CD96: variants seen among roughly 807,000 people sequenced by gnomAD.
The protein encoded by CD96 is CD96 molecule.
CD96 carries 70 observed loss-of-function variants against 71.3 expected under a neutral mutation model. That is an observed-to-expected ratio of 0.98 (90% CI 0.81 to 1.20). The LOEUF (loss-of-function observed/expected upper bound fraction) is 1.20. CD96 is among the 50% of genes most tolerant of loss of function. The pLI, the probability that CD96 is intolerant of heterozygous loss-of-function variation, is 0.00. For synonymous variants in CD96, 248 were observed against 233.0 expected (o/e 1.06, Z -0.59); for missense variants, 742 against 677.5 (o/e 1.10, Z -1.06).
chr3:111,662,074 T>G (rs1391934626), intron 14 of CD96, among the ~76,000 whole-genome samples: 1 of 152,258 alleles, frequency 6.6e-6, no homozygotes, highest in Admixed American at 6.5e-5. Context: ...TCTTACCTTC[T>G]ACGCACCTGC....
At chr3:111,554,858 T>C (rs1385467489) in intron 2 of CD96, among the ~76,000 whole-genome samples, 1 of 151,988 alleles carries the variant, frequency 6.6e-6, no homozygotes, top group Non-Finnish European at 1.5e-5. Flanking sequence ...GCCCTGAGCT[T>C]GTCTTCCTGC....
intron 8 of CD96, among the ~76,000 whole-genome samples, chr3:111,621,314 T>C (rs1938508801): frequency 6.6e-6 from 1 of 152,218 alleles, no homozygotes; most frequent in Non-Finnish European, 1.5e-5. Flanking sequence ...ACCAAGTCTC[T>C]CAGCAAATAC....
chr3:111,606,643 C>T, intron 7 of CD96, 57 bp from the exon 8 acceptor site: 1 of 896,890 alleles, frequency 1.1e-6, no homozygotes, highest in South Asian at 1.3e-5. Context: ...TAAGTCAATA[C>T]TTTATCTTTT....
intron 2 of CD96, among the ~76,000 whole-genome samples, chr3:111,555,374 C>T (rs924042358): frequency 8.5e-5 from 13 of 152,246 alleles, no homozygotes; most frequent in African/African-American, 3.1e-4. Context: ...CATTTCTTTT[C>T]AGCCTGAAGG....
At chr3:111,647,903 G>T (rs2107788549) in intron 13 of CD96, among the ~76,000 whole-genome samples, 1 of 152,248 alleles carries the variant, frequency 6.6e-6, no homozygotes, top group South Asian at 2.1e-4. Context: ...ACATTCGTCA[G>T]ATAGAGCAAG....
In CD96 at chr3:111,581,036, C is replaced by A. The variant is rs554104199; in HGVS notation, c.751+1802C>A. 1.2e-4 allele frequency among the ~76,000 whole-genome samples: 19 copies of A among 152,326 alleles called. No homozygotes were observed. The East Asian group carries it at 2.9e-3, about 23-fold the overall frequency. ...AACATTTATGCTGTGTCCTGTATCTCTTTGCTGCATTAAAACACCTCTATC... is the reference window on the plus strand; with the variant it reads ...AACATTTATGCTGTGTCCTGTATCTATTTGCTGCATTAAAACACCTCTATC... On this transcript the variant is annotated intron_variant, in intron 4 of 13. Coordinates refer to ENST00000352690, the MANE Select transcript of CD96 (RefSeq NM_005816.5).
chr3:111,574,323 A>G (rs1936125438), intron 3 of CD96, among the ~76,000 whole-genome samples: 1 of 152,232 alleles, frequency 6.6e-6, no homozygotes, highest in Admixed American at 6.5e-5. Context: ...ATGATGCTCA[A>G]AAGAAATGTT....
rs1940062658 is a variant in CD96, at chr3:111,651,251, C to T, written c.*1445C>T. 6.6e-6 allele frequency: 1 copy of T among 152,164 alleles called. No individual in the cohort carries two copies. Among genetic ancestry groups the T allele is most frequent in the African/African-American group, 2.4e-5 (1 of 41,400 alleles). 9.4% of individuals were successfully genotyped at this position (152,164 alleles called of 1,614,324 possible). A position where few individuals can be genotyped will look rare whatever the true frequency, so the allele number is the denominator to read the frequency against. The stretch of plus-strand genomic sequence containing the variant: ...GTGGTGGCCAGCCTCCAAGATGAGC[C>T]CCAGTGTTCTTGCCTCCTACTATTC... On this transcript the variant is annotated 3_prime_UTR_variant, in exon 14 of 14. Coordinates refer to ENST00000352690, the MANE Select transcript of CD96 (RefSeq NM_005816.5).
At chr3:111,577,255 A>C (rs1936259857) in intron 3 of CD96, among the ~76,000 whole-genome samples, 1 of 152,226 alleles carries the variant, frequency 6.6e-6, no homozygotes. Context: ...ATACTAAATG[A>C]CCAAGGAGCA....
chr3:111,570,912 G>A (rs1935949082), intron 3 of CD96: 4 of 1,587,534 alleles, frequency 2.5e-6, no homozygotes, highest in African/African-American at 2.7e-5. Context: ...TTCCTGCTCA[G>A]TGCATGAGGC....
intron 8 of CD96, chr3:111,612,742 C>T (rs1938015937): frequency 4.2e-6 from 1 of 236,188 alleles, no homozygotes; most frequent in Non-Finnish European, 6.9e-6. Flanking sequence ...TGAATAAATC[C>T]CTTCTAGTGT....
chr3:111,565,959 A>G (rs1031021023), intron 2 of CD96, among the ~76,000 whole-genome samples: 1 of 151,080 alleles, frequency 6.6e-6, no homozygotes, highest in Non-Finnish European at 1.5e-5. Flanking sequence ...TAAAGGCTAG[A>G]TATAAAATTT....
intron 5 of CD96, among the ~76,000 whole-genome samples, chr3:111,591,146 G>A (rs1300287138): frequency 6.6e-6 from 1 of 152,114 alleles, no homozygotes; most frequent in Non-Finnish European, 1.5e-5. Context: ...AGGCCGAGGT[G>A]CGCGGATCAT....
At chr3:111,643,031 C>A (rs1432826630) in intron 12 of CD96, among the ~76,000 whole-genome samples, 2 of 144,970 alleles carry the variant, frequency 1.4e-5, no homozygotes, top group Non-Finnish European at 3.0e-5. Flanking sequence ...AAGAAAACTA[C>A]AGACCTATAT....
chr3:111,665,812 A>C (rs1162308450), downstream of CD96: 1 of 152,266 alleles, frequency 6.6e-6, no homozygotes, highest in Non-Finnish European at 1.5e-5. Context: ...CACATGTGGC[A>C]GAACTGGGCA....
chr3:111,556,979 G>GT (rs1238041677), intron 2 of CD96, among the ~76,000 whole-genome samples: 1 of 108,600 alleles, frequency 9.2e-6, no homozygotes, highest in East Asian at 2.7e-4. Context: ...TTTTTCATGT[G>GT]TTTTTTGGCA....
intron 13 of CD96, among the ~76,000 whole-genome samples, chr3:111,648,745 T>C (rs558707877): frequency 1.0e-3 from 156 of 152,254 alleles, no homozygotes; most frequent in African/African-American, 3.6e-3. Context: ...CTATCCTCCT[T>C]CCCCCACTAC....
intron 5 of CD96, among the ~76,000 whole-genome samples, chr3:111,590,167 C>T (rs1009094682): frequency 4.6e-5 from 7 of 152,186 alleles, no homozygotes; most frequent in Admixed American, 3.3e-4. Context: ...GGTTTGAATT[C>T]TCTTCCAGCA....
At chr3:111,635,142 T>C (rs1939265115) in intron 10 of CD96, 1 of 153,350 alleles carries the variant, frequency 6.5e-6, no homozygotes, top group Admixed American at 6.5e-5. Context: ...GAGCAAGAGA[T>C]ACCAGAATTG....
Sources: allele counts gnomAD v4.1 joint callset (sites outside exome capture counted in the v4.1 genomes callset), GRCh38; gene constraint gnomAD v4.1.1; transcripts MANE v1.5; gene names NCBI Gene and HGNC (gene_info 2026-07-23, HGNC 2026-07-21).